The following COL25A1 variants were observed in gnomAD, a reference collection of about 807,000 sequenced individuals.
COL25A1 encodes the protein collagen type XXV alpha 1 chain, also known as collagen alpha-1(XXV) chain.
Under a neutral mutation model 128.4 loss-of-function variants are expected in COL25A1, and 103 were observed. The observed-to-expected ratio is 0.80, with a 90% CI of 0.68 to 0.94. COL25A1 has a LOEUF of 0.94. Among genes scored for constraint, COL25A1 ranks in the 40% least tolerant of loss-of-function variants. COL25A1 has a pLI of 0.00. For missense variants in COL25A1, 745 were observed against 840.0 expected (o/e 0.89, Z 1.40); for synonymous variants, 279 against 277.2 (o/e 1.01, Z -0.06).
intron 5 of COL25A1, among the ~76,000 whole-genome samples, chr4:109,046,687 C>T (rs1760459608): frequency 6.6e-6 from 1 of 152,164 alleles, no homozygotes; most frequent in Admixed American, 6.5e-5. Flanking sequence ...ATGTTCCATC[C>T]TTGAACGTGG....
chr4:108,974,332 A>C, intron 8 of COL25A1, 35 bp downstream of exon 8: 1 of 1,610,686 alleles, frequency 6.2e-7, no homozygotes, highest in Non-Finnish European at 8.5e-7. Flanking sequence ...GTTAGAAACT[A>C]ATTTTCCGCC....
intron 6 of COL25A1, among the ~76,000 whole-genome samples, chr4:108,974,886 T>C (rs922876300): frequency 1.3e-5 from 2 of 152,194 alleles, no homozygotes; most frequent in African/African-American, 2.4e-5. Context: ...TGTTGGGACA[T>C]TTCCTTGTCA....
At position 109,211,222 on chromosome 4, in the gene COL25A1, T is replaced by TG. The variant is rs1553960131; in HGVS notation, c.367+89360_367+89361insC. On this transcript the variant is annotated intron_variant, in intron 3 of 37. Coordinates refer to ENST00000399132, the MANE Select transcript of COL25A1 (RefSeq NM_198721.4). ...ATATTTTTAAATACATATATATATATTGTGTGTGTGTATGTATATATATGA... is the reference window on the plus strand; with the variant it reads ...ATATTTTTAAATACATATATATATATGTGTGTGTGTGTATGTATATATATGA... Among the ~76,000 whole-genome samples the TG allele has an allele frequency of 2.4e-3, 340 of 141,340 alleles. 5 individuals are homozygous for TG. The highest frequency in any genetic ancestry group is 8.8e-4 in the Non-Finnish European group (57 of 64,448). The allele number at this position is 141,340 out of a possible 152,430, so 92.7% of individuals were successfully genotyped here.
chr4:108,908,925 C>T (rs900116617), intron 13 of COL25A1, among the ~76,000 whole-genome samples: 3 of 151,952 alleles, frequency 2.0e-5, no homozygotes, highest in East Asian at 1.9e-4. Context: ...GTTGGCAGGT[C>T]GAGGTGGGGC....
chr4:109,124,214 T>C (rs1344712467), intron 3 of COL25A1, among the ~76,000 whole-genome samples: 1 of 152,060 alleles, frequency 6.6e-6, no homozygotes, highest in Non-Finnish European at 1.5e-5. Flanking sequence ...TTTAATTTTA[T>C]GCAGTAAGAT....
chr4:109,107,487 A>C (rs758878851), intron 3 of COL25A1, among the ~76,000 whole-genome samples: 7 of 152,192 alleles, frequency 4.6e-5, no homozygotes, highest in Non-Finnish European at 1.0e-4. Flanking sequence ...TTTTACTGAG[A>C]AAAGGAAACT....
At chr4:109,089,675 G>A (rs191126818) in intron 3 of COL25A1, among the ~76,000 whole-genome samples, 2 of 151,916 alleles carry the variant, frequency 1.3e-5, no homozygotes, top group African/African-American at 2.4e-5. Flanking sequence ...GCATGATCTC[G>A]GCTCACTGAA....
At chr4:109,272,086 A>G (rs542168793) in intron 3 of COL25A1, among the ~76,000 whole-genome samples, 173 of 152,174 alleles carry the variant, frequency 1.1e-3, no homozygotes, top group African/African-American at 4.0e-3. Context: ...AAATACAAAA[A>G]TTAACCAGTC....
In COL25A1 at chr4:109,059,374, A is replaced by C. The variant is rs550629796; in HGVS notation, c.368-9195T>G. 3.3e-5 allele frequency among the ~76,000 whole-genome samples: 5 copies of C among 152,350 alleles called. No homozygotes were observed. The South Asian group carries it at 1.0e-3, about 32-fold the overall frequency. On this transcript the variant is annotated intron_variant, in intron 3 of 37. Transcript: ENST00000399132. ...AAATGCTGAAACTAACAATTTGGTC[A>C]CTTATTAAACACACTATAGGTCAGT...
chr4:109,197,549 A>G (rs1257660089), intron 3 of COL25A1, among the ~76,000 whole-genome samples: 1 of 139,568 alleles, frequency 7.2e-6, no homozygotes, highest in Non-Finnish European at 1.5e-5. Flanking sequence ...AATAATAGAG[A>G]GAGAGAGTCA....
chr4:109,035,747 T>C (rs966023972), intron 5 of COL25A1, among the ~76,000 whole-genome samples: 5 of 152,062 alleles, frequency 3.3e-5, no homozygotes, highest in African/African-American at 9.7e-5. Context: ...ACAATTTTTG[T>C]AGTGAATTCC....
chr4:109,174,839 G>C (rs920304363), intron 3 of COL25A1, among the ~76,000 whole-genome samples: 1 of 152,174 alleles, frequency 6.6e-6, no homozygotes, highest in Non-Finnish European at 1.5e-5. Flanking sequence ...ACTACTACTG[G>C]TCCATGGCCT....
intron 3 of COL25A1, among the ~76,000 whole-genome samples, chr4:109,188,505 A>G (rs1477968723): frequency 1.3e-5 from 2 of 152,164 alleles, no homozygotes; most frequent in South Asian, 4.1e-4. Flanking sequence ...ACTCCAGCTA[A>G]GCTACACTGG....
intron 3 of COL25A1, among the ~76,000 whole-genome samples, chr4:109,055,242 A>T (rs932501720): frequency 1.3e-5 from 2 of 152,174 alleles, no homozygotes; most frequent in Admixed American, 6.5e-5. Context: ...ATACTCATAA[A>T]ATGTCTGTAC....
chr4:109,259,580 C>T (rs1055863792), intron 3 of COL25A1, among the ~76,000 whole-genome samples: 14 of 152,114 alleles, frequency 9.2e-5, no homozygotes, highest in African/African-American at 3.4e-4. Flanking sequence ...TTACACAAGG[C>T]ATTACCCTAG....
chr4:109,002,500 TAA>T (rs1195802245), intron 6 of COL25A1, among the ~76,000 whole-genome samples: 1 of 152,126 alleles, frequency 6.6e-6, no homozygotes, highest in African/African-American at 2.4e-5. Flanking sequence ...ATGTGAAATC[TAA>T]AGAGGTCAAA....
chr4:108,857,864 C>T (rs1736706484), intron 24 of COL25A1, among the ~76,000 whole-genome samples: 1 of 152,080 alleles, frequency 6.6e-6, no homozygotes, highest in African/African-American at 2.4e-5. Flanking sequence ...ACCAAGCTTA[C>T]AATCTCATAA....
chr4:109,249,189 T>C (rs1234965096), intron 3 of COL25A1, among the ~76,000 whole-genome samples: 1 of 152,194 alleles, frequency 6.6e-6, no homozygotes, highest in Non-Finnish European at 1.5e-5. Flanking sequence ...ATGACTCTTC[T>C]CTAAATTCTT....
rs1023431257 is a variant in COL25A1, at chr4:108,809,058, A to G, written c.*4869T>C. ...AGAATTCAATCTTTCAATTATTTAC[A>G]CTACTGAGATAAACAGGTTTGTGCC... On this transcript the variant is annotated 3_prime_UTR_variant, in exon 38 of 38. Coordinates refer to ENST00000399132, the MANE Select transcript of COL25A1 (RefSeq NM_198721.4). The G allele has an allele frequency of 1.3e-5, 2 of 152,198 alleles. No homozygotes were observed. The highest frequency in any genetic ancestry group is 6.5e-5 in the Admixed American group (1 of 15,282). 9.4% of individuals were successfully genotyped at this position (152,198 alleles called of 1,614,324 possible). A position where few individuals can be genotyped will look rare whatever the true frequency, so the allele number is the denominator to read the frequency against.
Sources: gnomAD v4.1 joint callset for allele counts (sites outside exome capture counted in the v4.1 genomes callset) on GRCh38, gnomAD v4.1.1 for gene constraint, MANE v1.5 for transcripts, NCBI Gene and HGNC (gene_info 2026-07-23, HGNC 2026-07-21) for gene names.